Variants in TIMM44 observed in about 807,000 individuals in gnomAD.
TIMM44 encodes the protein translocase of inner mitochondrial membrane 44.
TIMM44 carries 37 observed loss-of-function variants against 63.8 expected under a neutral mutation model. That is an observed-to-expected ratio of 0.58 (90% CI 0.45 to 0.76). The LOEUF is 0.76. Ranked by LOEUF, TIMM44 falls within the 30% of genes least tolerant of loss-of-function variation. The pLI, the probability that TIMM44 is intolerant of heterozygous loss-of-function variation, is 0.00. For missense variants in TIMM44, 573 were observed against 603.8 expected (o/e 0.95, Z 0.54); for synonymous variants, 239 against 245.1 (o/e 0.98, Z 0.23).
At chr19:7,940,443 G>A (rs923231279) in intron 2 of TIMM44, among the ~76,000 whole-genome samples, 2 of 152,058 alleles carry the variant, frequency 1.3e-5, no homozygotes, top group African/African-American at 4.8e-5. Flanking sequence ...TGTGGCGGGG[G>A]ACTAGACAAG....
At chr19:7,931,298 C>G (rs924302695) in intron 9 of TIMM44, 110 bp from the exon 10 acceptor site, 2 of 990,226 alleles carry the variant, frequency 2.0e-6, no homozygotes, top group Admixed American at 3.5e-5. Flanking sequence ...TCCTCAGACA[C>G]CCCCGGCTGC....
At position 7,928,554 on chromosome 19, in the gene TIMM44, C is replaced by G. The variant is rs1983884137; in HGVS notation, c.1039-388G>C. 5 of 202,760 alleles carry G rather than the reference C, an allele frequency of 2.5e-5. No individual in the cohort carries two copies. In the South Asian group the frequency reaches 4.0e-4, roughly 16 times the overall value. The allele number at this position is 202,760 out of a possible 1,614,324, so 12.6% of individuals were successfully genotyped here. On this transcript the variant is annotated intron_variant, in intron 10 of 12. Transcript: ENST00000270538. ...AAACGCCTCTTCTAGGATCTGTCCT[C>G]AGCCTGAGGCTGCCTCTGTCACTGA...
chr19:7,935,158 C>A lies in TIMM44; in HGVS notation c.313-13G>T, dbSNP rs375127775. 7.2e-7 allele frequency: 1 copy of A among 1,394,442 alleles called. No individual in the cohort carries two copies. Among genetic ancestry groups the A allele is most frequent in the Admixed American group, 1.8e-5 (1 of 55,896 alleles). 86.4% of individuals were successfully genotyped at this position (1,394,442 alleles called of 1,614,324 possible). A position where few individuals can be genotyped will look rare whatever the true frequency, so the allele number is the denominator to read the frequency against. On this transcript the variant is annotated splice_polypyrimidine_tract_variant and intron_variant, in intron 3 of 12. Transcript: ENST00000270538. Reference sequence around the variant, plus strand: ...ACTCGATGGTTTTCTAGGTAAAGAGCGCTGTGTCCTTTTTTTTTTTTTTTT... The same window carrying A: ...ACTCGATGGTTTTCTAGGTAAAGAGAGCTGTGTCCTTTTTTTTTTTTTTTT...
rs551350232 is a variant in TIMM44, at chr19:7,942,006, G to C, written c.46-809C>G. Among the ~76,000 whole-genome samples, 4 of 152,318 alleles carry C rather than the reference G, an allele frequency of 2.6e-5. No homozygotes were observed. The East Asian group carries it at 7.7e-4, about 29-fold the overall frequency. On this transcript the variant is annotated intron_variant, in intron 1 of 12. Coordinates refer to ENST00000270538, the MANE Select transcript of TIMM44 (RefSeq NM_006351.4). The stretch of plus-strand genomic sequence containing the variant: ...CCTCAAGGGTTGAGCTATAAACAGA[G>C]TAATTTAGGGGAGTCGCTCTGGGCA...
intron 3 of TIMM44, among the ~76,000 whole-genome samples, chr19:7,936,311 C>G (rs1984154690): frequency 6.6e-6 from 1 of 152,054 alleles, no homozygotes; most frequent in South Asian, 2.1e-4. Context: ...ATTAGCCTGG[C>G]GTGGTGGTGG....
rs548629313 is a variant in TIMM44 at position 7,934,244 on chromosome 19, G to A, written c.394-6C>T. 3.9e-5 allele frequency: 63 copies of A among 1,611,148 alleles called. No individual in the cohort carries two copies. In the South Asian group the frequency reaches 6.7e-4, roughly 17 times the overall value. Reference sequence around the variant, plus strand: ...TTACTGACTTCGTGAAGGCTCTACTGAGACAGACACAGAGAGGGGGCGTTG... The same window carrying A: ...TTACTGACTTCGTGAAGGCTCTACTAAGACAGACACAGAGAGGGGGCGTTG... On this transcript the variant is annotated splice_region_variant and splice_polypyrimidine_tract_variant and intron_variant, in intron 4 of 12. Transcript: ENST00000270538. This position sits in a 1 kb window ranked among gnomAD's most constrained non-coding sequence, Gnocchi z 5.3.
rs770972896 is a variant in TIMM44, at chr19:7,938,138, G to A, written c.201C>T (p.Val67=). 18 of 1,613,662 alleles carry A rather than the reference G, an allele frequency of 1.1e-5. No homozygotes were observed. The highest frequency in any genetic ancestry group is 1.7e-5 in the Admixed American group (1 of 59,922). ...CTTTGTTTTTGGCTAATTCTTGTTT[G>A]ACATTATCTAGCAAGCCGGACAGAA... The part of the protein sequence containing the change: ...KGFLSGLLDN[V]KQELAKNKEM... Residue 67 remains valine, a synonymous_variant, in exon 3 of 13, where the codon GTC becomes GTT. Coordinates refer to ENST00000270538, the MANE Select transcript of TIMM44 (RefSeq NM_006351.4).
At chr19:7,937,442 T>C (rs1273557172) in intron 3 of TIMM44, among the ~76,000 whole-genome samples, 2 of 152,034 alleles carry the variant, frequency 1.3e-5, no homozygotes, top group African/African-American at 4.8e-5. Context: ...TTTGGGAGGG[T>C]GTGAGCCTCT....
chr19:7,929,179 GC>G (rs766783051), intron 10 of TIMM44, among the ~76,000 whole-genome samples: 5 of 152,156 alleles, frequency 3.3e-5, no homozygotes, highest in African/African-American at 7.2e-5. Flanking sequence ...GGAGATGAGA[GC>G]TGGGAGCCCC....
At position 7,927,223 on chromosome 19, in the gene TIMM44, C is replaced by G. The variant is rs1214179134; in HGVS notation, c.1323G>C (p.Leu441=). Reference sequence around the variant, plus strand: ...GCTCGGTGCTGGAGGCCGAGATGTCCAGGAGCCGCCAGGCCGCGTAGGGGT... The same window carrying G: ...GCTCGGTGCTGGAGGCCGAGATGTCGAGGAGCCGCCAGGCCGCGTAGGGGT... ...ELNPYAAWRL[L]DISASSTEQI... is the part of the protein sequence containing the mutation. Residue 441 remains leucine, a synonymous_variant, in exon 13 of 13, where the codon CTG becomes CTC. Transcript: ENST00000270538. 8 of 1,611,746 alleles carry G rather than the reference C, an allele frequency of 5.0e-6. No homozygotes were observed. The highest frequency in any genetic ancestry group is 1.3e-5 in the African/African-American group (1 of 74,920).
At chr19:7,941,344 G>C (rs748121630) in intron 1 of TIMM44, 147 bp from the exon 2 acceptor site, 3 of 679,984 alleles carry the variant, frequency 4.4e-6, no homozygotes, top group Non-Finnish European at 7.9e-6. Context: ...CTAGAGTGCA[G>C]TGCTGCGATC....
chr19:7,927,592 G>T, intron 12 of TIMM44, 65 bp downstream of exon 12: 13 of 1,482,518 alleles, frequency 8.8e-6, no homozygotes, highest in Non-Finnish European at 1.2e-5. Flanking sequence ...TCTGCCAGGT[G>T]GCCACACACA....
At position 7,933,162 on chromosome 19, in the gene TIMM44, G is replaced by GT. The variant is rs371649825; in HGVS notation, c.770-231dup. 1.6e-3 allele frequency among the ~76,000 whole-genome samples: 250 copies of GT among 152,284 alleles called. 2 individuals are homozygous for GT. The highest frequency in any genetic ancestry group is 5.2e-3 in the African/African-American group (217 of 41,558). On this transcript the variant is annotated intron_variant, in intron 7 of 12. Coordinates refer to ENST00000270538, the MANE Select transcript of TIMM44 (RefSeq NM_006351.4). This position sits in a 1 kb window ranked among gnomAD's most constrained non-coding sequence, Gnocchi z 4.3. ...TCAGCTGCGGCCCTAATGGGGCTGT[G>GT]TAAGTTATGGGCCGCCACCCCACTG... is the stretch of plus-strand genomic sequence containing the variant.
intron 2 of TIMM44, among the ~76,000 whole-genome samples, chr19:7,939,888 G>A (rs1050896801): frequency 1.3e-4 from 20 of 152,034 alleles, no homozygotes; most frequent in Non-Finnish European, 2.5e-4. Flanking sequence ...CTCCAGCCTG[G>A]GCGACAGAGT....
Position 7,934,954 on chromosome 19 carries a change from C to G in TIMM44, c.393+111G>C. 1.0e-6 allele frequency: 1 copy of G among 966,036 alleles called. No individual in the cohort carries two copies. The highest frequency in any genetic ancestry group is 1.6e-6 in the Non-Finnish European group (1 of 617,810). 59.8% of individuals were successfully genotyped at this position (966,036 alleles called of 1,614,324 possible). A position where few individuals can be genotyped will look rare whatever the true frequency, so the allele number is the denominator to read the frequency against. On this transcript the variant is annotated intron_variant, in intron 4 of 12. Coordinates refer to ENST00000270538, the MANE Select transcript of TIMM44 (RefSeq NM_006351.4). The surrounding 1 kb of genome is among the most constrained non-coding windows in gnomAD (Gnocchi z 5.3). ...CCGAGGGTGGCAGCACGCCCCATGC[C>G]ACCCACTGCTGCCAAGCCACCCCCA...
At chr19:7,931,240 G>T in intron 9 of TIMM44, 52 bp from the exon 10 acceptor site, 1 of 1,529,888 alleles carries the variant, frequency 6.5e-7, no homozygotes, top group Non-Finnish European at 9.1e-7. Flanking sequence ...TTTTCAGGCA[G>T]CAGGCGAGGT....
rs578076685 is a variant in TIMM44, at chr19:7,941,057, G to A, written c.141+45C>T. ...TCCTGCCAATGGGATCTGAATTTTC[G>A]GGCCTCCCCTGTGTCTGCTGGCCCG... On this transcript the variant is annotated intron_variant, in intron 2 of 12. Transcript: ENST00000270538. 50 of 1,510,468 alleles carry A rather than the reference G, an allele frequency of 3.3e-5. No homozygotes were observed. The Admixed American group carries it at 5.4e-4, about 16-fold the overall frequency. The allele number at this position is 1,510,468 out of a possible 1,614,324, so 93.6% of individuals were successfully genotyped here.
rs1382250179 is a variant in TIMM44 at position 7,933,184 on chromosome 19, A to C, written c.770-252T>G. Among the ~76,000 whole-genome samples the C allele has an allele frequency of 1.3e-5, 2 of 152,094 alleles. No individual in the cohort carries two copies. Among genetic ancestry groups the C allele is most frequent in the Non-Finnish European group, 2.9e-5 (2 of 67,992 alleles). ...TGTGTAAGTTATGGGCCGCCACCCC[A>C]CTGGCTGTTGCTTTCACTACAAAGG... On this transcript the variant is annotated intron_variant, in intron 7 of 12. Transcript: ENST00000270538. The surrounding 1 kb of genome is among the most constrained non-coding windows in gnomAD (Gnocchi z 4.3).
intron 2 of TIMM44, among the ~76,000 whole-genome samples, chr19:7,939,967 G>A (rs539463777): frequency 2.6e-5 from 4 of 152,134 alleles, no homozygotes; most frequent in East Asian, 1.9e-4. Context: ...CCAATCAGGC[G>A]GAAGGGGCCG....
Sources: gnomAD v4.1 joint callset for allele counts (sites outside exome capture counted in the v4.1 genomes callset) on GRCh38, gnomAD v4.1.1 for gene constraint, Gnocchi (gnomAD v3.1) non-coding constraint, MANE v1.5 for transcripts, NCBI Gene and HGNC (gene_info 2026-07-23, HGNC 2026-07-21) for gene names.